CLSTN2: variants seen among roughly 807,000 people sequenced by gnomAD.
CLSTN2 encodes calsyntenin-2.
CLSTN2 carries 48 observed loss-of-function variants against 101.2 expected under a neutral mutation model. That is an observed-to-expected ratio of 0.47 (90% CI 0.38 to 0.60). The LOEUF (loss-of-function observed/expected upper bound fraction) is 0.60, where lower values mean the gene tolerates loss of function less well. Among genes scored for constraint, CLSTN2 ranks in the 20% least tolerant of loss-of-function variants. CLSTN2 has a pLI of 0.00. For synonymous variants in CLSTN2, 481 were observed against 463.6 expected, an observed-to-expected ratio of 1.04 and a Z score of -0.48; for missense variants, 1,160 against 1,238.2, an observed-to-expected ratio of 0.94 and a Z score of 0.95.
intron 2 of CLSTN2, among the ~76,000 whole-genome samples, chr3:140,260,158 T>TATATATATATA (rs1559821944): frequency 1.5e-4 from 22 of 146,774 alleles, no homozygotes; most frequent in African/African-American, 5.0e-4. Flanking sequence ...ATATATATAT[T>TATATATATATA]ATATATAAAA....
Position 140,571,152 on chromosome 3 carries a change from T to C in CLSTN2, c.*4899T>C, listed in dbSNP as rs1237002097. The C allele has an allele frequency of 1.3e-5, 2 of 152,230 alleles. No individual in the cohort carries two copies. The highest frequency in any genetic ancestry group is 1.9e-4 in the East Asian group (1 of 5,200). 9.4% of individuals were successfully genotyped at this position (152,230 alleles called of 1,614,324 possible). ...CTTCCCAGCACAGCTCAGCCCATAA[T>C]GATCTCTGAGCAGGAGTGTTCATTA... On this transcript the variant is annotated 3_prime_UTR_variant, in exon 17 of 17. Transcript: ENST00000458420.
At chr3:140,119,506 G>T (rs530443710) in intron 1 of CLSTN2, among the ~76,000 whole-genome samples, 75 of 152,194 alleles carry the variant, frequency 4.9e-4, no homozygotes, top group African/African-American at 1.7e-3. Flanking sequence ...AGGCAGCAGG[G>T]CACCTAATTT....
At chr3:140,414,874 A>G (rs931373059) in intron 4 of CLSTN2, among the ~76,000 whole-genome samples, 2 of 152,102 alleles carry the variant, frequency 1.3e-5, no homozygotes, top group African/African-American at 4.8e-5. Context: ...AGCTAAAGCA[A>G]CCTTGAGCAA....
At chr3:140,548,582 A>T (rs932165250) in intron 10 of CLSTN2, among the ~76,000 whole-genome samples, 1 of 152,196 alleles carries the variant, frequency 6.6e-6, no homozygotes, top group Non-Finnish European at 1.5e-5. Context: ...CAGTAGTGGA[A>T]AGGGGATGGG....
At chr3:140,527,211 C>T (rs904343613) in intron 8 of CLSTN2, among the ~76,000 whole-genome samples, 6 of 151,870 alleles carry the variant, frequency 4.0e-5, no homozygotes, top group African/African-American at 1.5e-4. Context: ...CCAGAATCTA[C>T]AAGGAACATA....
chr3:140,048,636 G>A (rs1473284734), intron 1 of CLSTN2, among the ~76,000 whole-genome samples: 2 of 152,140 alleles, frequency 1.3e-5, no homozygotes, highest in African/African-American at 4.8e-5. Flanking sequence ...ATTGCCTAGG[G>A]TCATATAGCT....
At chr3:139,944,423 T>A (rs1001997174) in intron 1 of CLSTN2, among the ~76,000 whole-genome samples, 4 of 152,188 alleles carry the variant, frequency 2.6e-5, no homozygotes, top group African/African-American at 9.7e-5. Flanking sequence ...CTCTCCAGTA[T>A]TTCTGGTGCC....
At chr3:140,183,631 C>T (rs899049323) in intron 2 of CLSTN2, among the ~76,000 whole-genome samples, 1 of 152,170 alleles carries the variant, frequency 6.6e-6, no homozygotes, top group African/African-American at 2.4e-5. Flanking sequence ...GACACTGTCT[C>T]ACTCCAGAGC....
chr3:140,044,608 A>C (rs1254780597), intron 1 of CLSTN2, among the ~76,000 whole-genome samples: 3 of 152,142 alleles, frequency 2.0e-5, no homozygotes, highest in African/African-American at 7.2e-5. Context: ...GTCTTGTGGC[A>C]GTTTTCAAAG....
At chr3:140,538,385 T>C (rs1462088032) in intron 9 of CLSTN2, among the ~76,000 whole-genome samples, 2 of 152,146 alleles carry the variant, frequency 1.3e-5, no homozygotes, top group African/African-American at 4.8e-5. Flanking sequence ...TTAGAGCCTG[T>C]AAATAGACAG....
At chr3:140,418,249 T>C (rs772260288) in intron 4 of CLSTN2, among the ~76,000 whole-genome samples, 5 of 152,098 alleles carry the variant, frequency 3.3e-5, no homozygotes, top group Non-Finnish European at 5.9e-5. Flanking sequence ...TAAGTTTGAG[T>C]GTTACCAACC....
Position 140,404,538 on chromosome 3 carries a change from C to A in CLSTN2, c.429-20C>A. ...ACTCTTTCTTTACCACCATCCCTTC[C>A]TTTCTGTGTGTGGTCCCAGGGCCGT... On this transcript the variant is annotated intron_variant, in intron 3 of 16. Coordinates refer to ENST00000458420, the MANE Select transcript of CLSTN2 (RefSeq NM_022131.3). The A allele has an allele frequency of 6.2e-7, 1 of 1,612,092 alleles. No individual in the cohort carries two copies. The highest frequency in any genetic ancestry group is 8.5e-7 in the Non-Finnish European group (1 of 1,178,244).
chr3:140,029,416 A>C (rs1482779648), intron 1 of CLSTN2, among the ~76,000 whole-genome samples: 3 of 152,242 alleles, frequency 2.0e-5, no homozygotes, highest in Non-Finnish European at 2.9e-5. Context: ...TTTTAAATTT[A>C]GGTCTGTAAA....
At chr3:140,420,101 C>T (rs2088484111) in intron 4 of CLSTN2, among the ~76,000 whole-genome samples, 1 of 151,470 alleles carries the variant, frequency 6.6e-6, no homozygotes, top group African/African-American at 2.4e-5. Flanking sequence ...ACCATGTTGG[C>T]CAGGCTGGTC....
intron 1 of CLSTN2, among the ~76,000 whole-genome samples, chr3:140,142,382 A>G (rs1447226818): frequency 1.3e-5 from 2 of 152,066 alleles, no homozygotes; most frequent in Non-Finnish European, 2.9e-5. Flanking sequence ...GGACTGTGGG[A>G]CTGTTCAGGC....
intron 8 of CLSTN2, chr3:140,507,933 T>G (rs1934716599): frequency 6.6e-6 from 1 of 152,176 alleles, no homozygotes; most frequent in Non-Finnish European, 1.5e-5. Context: ...TTAAGAAACT[T>G]GCCCCAAGTT....
chr3:140,226,778 T>G (rs920505959), intron 2 of CLSTN2, among the ~76,000 whole-genome samples: 66 of 152,158 alleles, frequency 4.3e-4, no homozygotes, highest in African/African-American at 1.4e-3. Context: ...AGCCCCCCAA[T>G]CAAGGCAGAA....
intron 10 of CLSTN2, among the ~76,000 whole-genome samples, chr3:140,546,927 C>A (rs1935605485): frequency 1.3e-5 from 2 of 152,128 alleles, no homozygotes; most frequent in Admixed American, 6.5e-5. Context: ...AGTCCATTAC[C>A]CAAAAGCAGG....
chr3:140,547,715 G>A (rs887307697), intron 10 of CLSTN2, among the ~76,000 whole-genome samples: 1 of 152,112 alleles, frequency 6.6e-6, no homozygotes, highest in African/African-American at 2.4e-5. Context: ...AACCTCACCT[G>A]GACTTACAGA....
Sources: allele counts gnomAD v4.1 joint callset (sites outside exome capture counted in the v4.1 genomes callset), GRCh38; gene constraint gnomAD v4.1.1; transcripts MANE v1.5; gene names NCBI Gene and HGNC (gene_info 2026-07-23, HGNC 2026-07-21).